The following PHF19 variants were observed in gnomAD, a reference collection of about 807,000 sequenced individuals.
The protein encoded by PHF19 is polycomb like 3.
In PHF19, 21 loss-of-function variants were observed where a neutral mutation model predicts 79.8. That is an observed-to-expected ratio of 0.26 (90% CI 0.19 to 0.38). PHF19 has a LOEUF of 0.38. PHF19 is among the 10% of genes least tolerant of loss of function. The probability of loss-of-function intolerance (pLI) is 1.00; values close to 1 mark genes in which losing one functional copy is unlikely to be tolerated. For synonymous variants in PHF19, 273 were observed against 296.3 expected, an observed-to-expected ratio of 0.92 and a Z score of 0.81; for missense variants, 445 against 744.2, an observed-to-expected ratio of 0.60 and a Z score of 4.68.
Position 120,877,102 on chromosome 9 carries a change from G to C in PHF19, c.-27C>G. 1.0e-6 allele frequency: 1 copy of C among 985,280 alleles called. No individual in the cohort carries two copies. 61.0% of individuals were successfully genotyped at this position (985,280 alleles called of 1,614,324 possible). Reference sequence around the variant, plus strand: ...AGCGCAGAACTCACCGCGAGGCTGCGTGTCCGCCGGTCCCACTTGGAGTCT... The same window carrying C: ...AGCGCAGAACTCACCGCGAGGCTGCCTGTCCGCCGGTCCCACTTGGAGTCT... On this transcript the variant is annotated 5_prime_UTR_variant, in exon 1 of 15. Transcript: ENST00000373896.
the PHF19 span, among the ~76,000 whole-genome samples, chr9:120,900,176 A>G: frequency 3.3e-5 from 5 of 152,066 alleles, no homozygotes; most frequent in African/African-American, 1.2e-4. Flanking sequence ...TGGTAGAGAC[A>G]GGGTTTCGCC....
intron 3 of PHF19, among the ~76,000 whole-genome samples, chr9:120,872,036 TCAAAAAAAA>T (rs2045911793): frequency 1.4e-4 from 1 of 7,052 alleles, no homozygotes; most frequent in African/African-American, 3.0e-4. Flanking sequence ...AGACTCTGTC[TCAAAAAAAA>T]AAAAAAAAAA....
At chr9:120,892,208 T>A (rs2046351443) in intron 1 of PHF19, among the ~76,000 whole-genome samples, 1 of 152,286 alleles carries the variant, frequency 6.6e-6, no homozygotes, top group African/African-American at 2.4e-5. Flanking sequence ...GAATTTAGCA[T>A]CTATTACCAA....
chr9:120,874,175 G>T lies in PHF19; in HGVS notation c.187-115C>A, dbSNP rs1056549469. On this transcript the variant is annotated intron_variant, in intron 2 of 14. Coordinates refer to ENST00000373896, the MANE Select transcript of PHF19 (RefSeq NM_015651.3). The surrounding 1 kb of genome is among the most constrained non-coding windows in gnomAD (Gnocchi z 4.5). The stretch of plus-strand genomic sequence containing the variant: ...ATGTTCCAGAAAGCAGGGCTAGAAG[G>T]GGAAGAAGGATGGCAGTTCCTGGAC... 5 of 663,266 alleles carry T rather than the reference G, an allele frequency of 7.5e-6. No homozygotes were observed. The highest frequency in any genetic ancestry group is 1.1e-5 in the Non-Finnish European group (4 of 365,504). The allele number at this position is 663,266 out of a possible 1,614,324, so 41.1% of individuals were successfully genotyped here.
In PHF19 at chr9:120,868,990, G is replaced by A. The variant is rs1295355886; in HGVS notation, c.614+192C>T. ...CCCCCCCTCCCCGAGTCCCGCCCCC[G>A]AGGCCCCACCCCCGCGGCTGACACT... is the stretch of plus-strand genomic sequence containing the variant. On this transcript the variant is annotated intron_variant, in intron 6 of 14. Coordinates refer to ENST00000373896, the MANE Select transcript of PHF19 (RefSeq NM_015651.3). 7 of 41,340 alleles carry A rather than the reference G, an allele frequency of 1.7e-4. No individual in the cohort carries two copies. The South Asian group carries it at 3.0e-3, about 18-fold the overall frequency. 2.6% of individuals were successfully genotyped at this position (41,340 alleles called of 1,614,324 possible). A position where few individuals can be genotyped will look rare whatever the true frequency, so the allele number is the denominator to read the frequency against.
At chr9:120,865,955 T>C in intron 8 of PHF19, 73 bp downstream of exon 8, 1 of 1,570,788 alleles carries the variant, frequency 6.4e-7, no homozygotes, top group East Asian at 2.2e-5. Flanking sequence ...GAAATGGAAT[T>C]GTTCCAGGAG....
chr9:120,869,187 G>C lies in PHF19; in HGVS notation c.609C>G (p.Pro203=), dbSNP rs774078703. The C allele has an allele frequency of 2.5e-6, 4 of 1,608,078 alleles. No individual in the cohort carries two copies. Among genetic ancestry groups the C allele is most frequent in the South Asian group, 2.2e-5 (2 of 90,126 alleles). ...GCCCTGACCCCCTGCCTTACTCTCC[G>C]GGCCCGCCGCAGTAGCAGTAGCATT... ...QQQCYCYCGG[P]GEWYLRMLQC... is the part of the protein sequence containing the mutation. Residue 203 remains proline, a synonymous_variant, in exon 6 of 15, where the codon CCC becomes CCG. Transcript: ENST00000373896. This position sits in a 1 kb window ranked among gnomAD's most constrained non-coding sequence, Gnocchi z 5.8.
upstream of PHF19, among the ~76,000 whole-genome samples, chr9:120,899,774 C>T (rs1185832913): frequency 1.3e-5 from 2 of 152,154 alleles, no homozygotes; most frequent in Non-Finnish European, 2.9e-5. Context: ...GGTGTCCTGC[C>T]CACAAGCTTC....
At chr9:120,871,052 G>A (rs530190866) in intron 3 of PHF19, among the ~76,000 whole-genome samples, 1 of 152,300 alleles carries the variant, frequency 6.6e-6, no homozygotes, top group Admixed American at 6.5e-5. Context: ...GCAGGTGCAT[G>A]CCACCACACC....
Position 120,869,419 on chromosome 9 carries a change from C to A in PHF19, c.466-89G>T, listed in dbSNP as rs912176079. On this transcript the variant is annotated intron_variant, in intron 5 of 14. Coordinates refer to ENST00000373896, the MANE Select transcript of PHF19 (RefSeq NM_015651.3). This position sits in a 1 kb window ranked among gnomAD's most constrained non-coding sequence, Gnocchi z 5.8. ...GGCTGTCTATTGAGGGAAGTGCTGC[C>A]AGGGCTTGGGGGACCCGCAGATATT... 6.8e-7 allele frequency: 1 copy of A among 1,463,100 alleles called. No individual in the cohort carries two copies. The highest frequency in any genetic ancestry group is 9.2e-7 in the Non-Finnish European group (1 of 1,085,012). 90.6% of individuals were successfully genotyped at this position (1,463,100 alleles called of 1,614,324 possible). A position where few individuals can be genotyped will look rare whatever the true frequency, so the allele number is the denominator to read the frequency against.
intron 6 of PHF19, chr9:120,868,850 G>C: frequency 9.5e-7 from 1 of 1,049,774 alleles, no homozygotes; most frequent in Non-Finnish European, 1.1e-6. Context: ...CGCCAGGCCC[G>C]CCTCCCGAGG....
At chr9:120,876,886 C>T (rs2046077688) in intron 1 of PHF19, 1 of 646,816 alleles carries the variant, frequency 1.5e-6, no homozygotes. Context: ...CCATGCCCCC[C>T]GGGGCTCGGG....
At position 120,868,017 on chromosome 9, in the gene PHF19, G is replaced by T. The variant is rs535450612; in HGVS notation, c.615-1052C>A. Among the ~76,000 whole-genome samples the T allele has an allele frequency of 3.5e-3, 531 of 152,070 alleles. 1 individual carries two copies. Among genetic ancestry groups the T allele is most frequent in the Non-Finnish European group, 4.9e-3 (331 of 67,966 alleles). ...CTCCACAGTGGCCCCGACATAGCAT[G>T]CCCCGCCCCCCGGCCCCCTACCCCT... On this transcript the variant is annotated intron_variant, in intron 6 of 14. Transcript: ENST00000373896.
intron 3 of PHF19, among the ~76,000 whole-genome samples, chr9:120,873,666 G>A (rs1353868264): frequency 1.3e-5 from 2 of 152,252 alleles, no homozygotes; most frequent in East Asian, 3.8e-4. Context: ...AGCTGCAGCT[G>A]TAGTGCAGCC....
the PHF19 span, chr9:120,903,965 G>A: frequency 2.0e-5 from 3 of 152,216 alleles, no homozygotes; most frequent in Non-Finnish European, 2.9e-5. Flanking sequence ...GGAAAACTTC[G>A]AAAGAGATTC....
chr9:120,882,594 C>T (rs1207606936), intron 1 of PHF19, among the ~76,000 whole-genome samples: 1 of 152,126 alleles, frequency 6.6e-6, no homozygotes, highest in Non-Finnish European at 1.5e-5. Context: ...GTAATCCCAG[C>T]ACTTTGAGAG....
chr9:120,866,462 A>G lies in PHF19; in HGVS notation c.711-366T>C, dbSNP rs1056156789. ...ATGCATAACATCAGGTTTGACATCCATAAGGACTCCATTAGCTTTGCTCCG... is the reference window on the plus strand; with the variant it reads ...ATGCATAACATCAGGTTTGACATCCGTAAGGACTCCATTAGCTTTGCTCCG... On this transcript the variant is annotated intron_variant, in intron 7 of 14. Transcript: ENST00000373896. The surrounding 1 kb of genome is among the most constrained non-coding windows in gnomAD (Gnocchi z 5.2). Among the ~76,000 whole-genome samples the G allele has an allele frequency of 6.6e-6, 1 of 152,222 alleles. No homozygotes were observed. The highest frequency in any genetic ancestry group is 2.4e-5 in the African/African-American group (1 of 41,452).
intron 1 of PHF19, among the ~76,000 whole-genome samples, chr9:120,883,856 T>C (rs1588133645): frequency 1.3e-5 from 2 of 151,200 alleles, no homozygotes; most frequent in South Asian, 4.2e-4. Flanking sequence ...TGGGAGGGTG[T>C]CGAGACAAGG....
intron 1 of PHF19, among the ~76,000 whole-genome samples, chr9:120,886,617 G>C (rs1415683425): frequency 1.3e-5 from 2 of 152,182 alleles, no homozygotes; most frequent in South Asian, 2.1e-4. Flanking sequence ...CCCTTCCACA[G>C]CCAGATGACC....
Sources: allele counts gnomAD v4.1 joint callset (sites outside exome capture counted in the v4.1 genomes callset), GRCh38; gene constraint gnomAD v4.1.1; non-coding constraint Gnocchi (gnomAD v3.1); transcripts MANE v1.5; gene names NCBI Gene and HGNC (gene_info 2026-07-23, HGNC 2026-07-21).